The following MTMR10 variants were observed in gnomAD, a reference collection of about 807,000 sequenced individuals.
MTMR10 encodes myotubularin related protein 10.
MTMR10 carries 56 observed loss-of-function variants against 88.1 expected under a neutral mutation model. The observed-to-expected ratio is 0.64, with a 90% confidence interval of 0.51 to 0.79. MTMR10 has a LOEUF of 0.79. Ranked by LOEUF, MTMR10 falls within the 30% of genes least tolerant of loss-of-function variation. The probability of loss-of-function intolerance (pLI) is 0.00; values close to 1 mark genes in which losing one functional copy is unlikely to be tolerated. For missense variants in MTMR10, 883 were observed against 924.7 expected, an observed-to-expected ratio of 0.95 and a Z score of 0.58; for synonymous variants, 380 against 340.9, an observed-to-expected ratio of 1.11 and a Z score of -1.26.
chr15:30,958,720 T>C, intron 9 of MTMR10, 143 bp downstream of exon 9: 1 of 771,900 alleles, frequency 1.3e-6, no homozygotes, highest in Non-Finnish European at 2.1e-6. Flanking sequence ...CACATTCTTT[T>C]CAAAATGGCA....
intron 9 of MTMR10, among the ~76,000 whole-genome samples, chr15:30,956,870 G>A (rs1298686560): frequency 1.3e-5 from 2 of 152,214 alleles, no homozygotes; most frequent in Non-Finnish European, 1.5e-5. Flanking sequence ...CAGCATGTAT[G>A]CTAATGAAAA....
At chr15:30,925,921 C>A in the MTMR10 span, 39 of 1,614,214 alleles carry the variant, frequency 2.4e-5, 1 homozygote, top group Admixed American at 6.2e-4. Flanking sequence ...CCATTACAGA[C>A]GCAGCGGTTT....
intron 2 of MTMR10, among the ~76,000 whole-genome samples, chr15:30,989,141 C>T (rs911206114): frequency 1.3e-5 from 2 of 151,984 alleles, no homozygotes; most frequent in Non-Finnish European, 2.9e-5. Context: ...TCAGAGTAAA[C>T]GAAGTCAAAG....
chr15:30,971,798 A>T (rs1055356071), intron 5 of MTMR10, among the ~76,000 whole-genome samples: 3 of 152,162 alleles, frequency 2.0e-5, no homozygotes, highest in African/African-American at 7.2e-5. Context: ...TTAGATGTCC[A>T]ATTCTGCACC....
rs576580582 is a variant in MTMR10 at position 30,954,616 on chromosome 15, A to G, written c.1066+147T>C. ...TTCCTTAGGAGGTTCTGAAGTTCTC[A>G]TACAATAATATATAATTTGTACAAA... is the stretch of plus-strand genomic sequence containing the variant. On this transcript the variant is annotated intron_variant, in intron 10 of 15. Coordinates refer to ENST00000435680, the MANE Select transcript of MTMR10 (RefSeq NM_017762.3). 12 of 874,552 alleles carry G rather than the reference A, an allele frequency of 1.4e-5. No homozygotes were observed. In the Admixed American group the frequency reaches 4.3e-4, roughly 32 times the overall value. The allele number at this position is 874,552 out of a possible 1,614,324, so 54.2% of individuals were successfully genotyped here. A position where few individuals can be genotyped will look rare whatever the true frequency, so the allele number is the denominator to read the frequency against.
chr15:30,987,685 T>A (rs2031028930), intron 2 of MTMR10, among the ~76,000 whole-genome samples: 1 of 99,306 alleles, frequency 1.0e-5, no homozygotes, highest in South Asian at 2.7e-4. Context: ...TAATTCTTTT[T>A]TTTTTTATTT....
chr15:30,976,724 A>G, intron 3 of MTMR10, 95 bp downstream of exon 3: 4 of 1,344,946 alleles, frequency 3.0e-6, no homozygotes, highest in African/African-American at 3.0e-5. Context: ...TAATACTTCT[A>G]CTATAACTTT....
At chr15:30,950,670 C>CAAAAAAA (rs35764283) in intron 12 of MTMR10, among the ~76,000 whole-genome samples, 1 of 142,284 alleles carries the variant, frequency 7.0e-6, no homozygotes. Context: ...AACTCCATCT[C>CAAAAAAA]AAAAAAAAAA....
At chr15:30,979,546 T>C (rs778100121) in intron 2 of MTMR10, among the ~76,000 whole-genome samples, 1 of 151,566 alleles carries the variant, frequency 6.6e-6, no homozygotes, top group Non-Finnish European at 1.5e-5. Flanking sequence ...GCAACAGAGC[T>C]AGACTCCATC....
In MTMR10 at chr15:30,991,615, G is replaced by C; in HGVS notation, c.-109C>G. 1 of 1,329,308 alleles carries C rather than the reference G, an allele frequency of 7.5e-7. No homozygotes were observed. Among genetic ancestry groups the C allele is most frequent in the Non-Finnish European group, 9.9e-7 (1 of 1,009,564 alleles). 82.3% of individuals were successfully genotyped at this position (1,329,308 alleles called of 1,614,324 possible). A position where few individuals can be genotyped will look rare whatever the true frequency, so the allele number is the denominator to read the frequency against. On this transcript the variant is annotated 5_prime_UTR_variant, in exon 1 of 16. Coordinates refer to ENST00000435680, the MANE Select transcript of MTMR10 (RefSeq NM_017762.3). Reference sequence around the variant, plus strand: ...GCCCAGGCCCTTTCTGCGGCCAGCCGAGCCGGGCGGACTGACGGGCGGGGA... The same window carrying C: ...GCCCAGGCCCTTTCTGCGGCCAGCCCAGCCGGGCGGACTGACGGGCGGGGA...
chr15:30,954,732 C>T (rs1339383781), intron 10 of MTMR10, 31 bp downstream of exon 10: 8 of 1,561,976 alleles, frequency 5.1e-6, no homozygotes, highest in Non-Finnish European at 6.9e-6. Flanking sequence ...ATCCTGTGTT[C>T]ATTATATATA....
chr15:30,987,244 G>C (rs1050634420), intron 2 of MTMR10, among the ~76,000 whole-genome samples: 5 of 152,162 alleles, frequency 3.3e-5, no homozygotes, highest in African/African-American at 1.2e-4. Context: ...CCTGGGTAAG[G>C]TAACAGTTTA....
the MTMR10 span, chr15:30,925,938 G>A: frequency 6.2e-7 from 1 of 1,614,066 alleles, no homozygotes; most frequent in Non-Finnish European, 8.5e-7. Context: ...GTTTTGACCA[G>A]GGTAACTGAG....
chr15:30,962,800 A>G (rs994084164), intron 6 of MTMR10, among the ~76,000 whole-genome samples: 5 of 152,164 alleles, frequency 3.3e-5, no homozygotes, highest in African/African-American at 1.2e-4. Flanking sequence ...GAAGATGCAA[A>G]AGAGAAGTCC....
At chr15:30,982,547 A>G (rs2030653574) in intron 2 of MTMR10, among the ~76,000 whole-genome samples, 1 of 152,224 alleles carries the variant, frequency 6.6e-6, no homozygotes, top group Non-Finnish European at 1.5e-5. Context: ...GGGTCTTTTA[A>G]GCGCCACACA....
intron 3 of MTMR10, among the ~76,000 whole-genome samples, chr15:30,975,475 G>C (rs2030051322): frequency 6.6e-6 from 1 of 152,142 alleles, no homozygotes; most frequent in South Asian, 2.1e-4. Context: ...CTGTCAGTAG[G>C]GCACTGGTTT....
chr15:30,929,752 A>AAAAT, the MTMR10 span, among the ~76,000 whole-genome samples: 2 of 53,462 alleles, frequency 3.7e-5, no homozygotes, highest in South Asian at 6.4e-4. Flanking sequence ...TATCATATAT[A>AAAAT]ATATAATATA....
chr15:30,928,143 C>T, the MTMR10 span: 3 of 1,012,540 alleles, frequency 3.0e-6, no homozygotes, highest in Non-Finnish European at 3.5e-6. Context: ...AGGGGTGGCC[C>T]AGGGACCTCC....
intron 2 of MTMR10, among the ~76,000 whole-genome samples, chr15:30,984,524 C>G (rs2030810650): frequency 1.3e-5 from 2 of 152,100 alleles, no homozygotes; most frequent in Non-Finnish European, 2.9e-5. Flanking sequence ...AAAGTCTTTG[C>G]CTTTAAGGAA....
Sources: gnomAD v4.1 joint callset for allele counts (sites outside exome capture counted in the v4.1 genomes callset) on GRCh38, gnomAD v4.1.1 for gene constraint, MANE v1.5 for transcripts, NCBI Gene and HGNC (gene_info 2026-07-23, HGNC 2026-07-21) for gene names.